Variants in CARD8 observed in about 807,000 individuals in gnomAD.
CARD8 encodes caspase recruitment domain family member 8, also known as caspase recruitment domain-containing protein 8.
A neutral mutation model predicts 53.2 loss-of-function variants in CARD8; 38 were observed. The observed-to-expected ratio is 0.71, with a 90% CI of 0.55 to 0.94. CARD8 has a LOEUF of 0.94. Ranked by LOEUF, CARD8 falls within the 40% of genes least tolerant of loss-of-function variation. The pLI, the probability that CARD8 is intolerant of heterozygous loss-of-function variation, is 0.00. For missense variants in CARD8, 561 were observed against 655.5 expected (o/e 0.86, Z 1.57); for synonymous variants, 245 against 244.9 (o/e 1.00, Z 0.00).
chr19:48,232,542 T>C, intron 6 of CARD8, 49 bp from the exon 7 acceptor site: 1 of 1,448,226 alleles, frequency 6.9e-7, no homozygotes. Context: ...ACATCAAGAA[T>C]CAGTTGATGA....
chr19:48,244,985 A>G (rs1403797008), intron 3 of CARD8, among the ~76,000 whole-genome samples: 2 of 152,236 alleles, frequency 1.3e-5, no homozygotes, highest in Non-Finnish European at 2.9e-5. Flanking sequence ...TCATGTGGAC[A>G]CTATGAAATC....
intron 3 of CARD8, among the ~76,000 whole-genome samples, chr19:48,241,404 C>T (rs762622101): frequency 2.0e-4 from 31 of 152,110 alleles, no homozygotes; most frequent in African/African-American, 6.3e-4. Flanking sequence ...TACAGGCATG[C>T]GCCACCATAC....
In CARD8 at chr19:48,218,855, T is replaced by G. The variant is rs374881209; in HGVS notation, c.1303+16A>C. 3.4e-4 allele frequency: 550 copies of G among 1,613,608 alleles called. No homozygotes were observed. The highest frequency in any genetic ancestry group is 7.7e-4 in the Admixed American group (46 of 59,990). Reference sequence around the variant, plus strand: ...GGATCCCTGTCTAAAAATGCCAGCCTCGCCCACTCACCTACCTGGCTTCAC... The same window carrying G: ...GGATCCCTGTCTAAAAATGCCAGCCGCGCCCACTCACCTACCTGGCTTCAC... On this transcript the variant is annotated intron_variant, in intron 12 of 13. Coordinates refer to ENST00000651546, the MANE Select transcript of CARD8 (RefSeq NM_001184900.3).
At chr19:48,229,517 A>G (rs2042437124) in intron 10 of CARD8, among the ~76,000 whole-genome samples, 1 of 152,222 alleles carries the variant, frequency 6.6e-6, no homozygotes, top group Non-Finnish European at 1.5e-5. Flanking sequence ...CTAAGTCCTG[A>G]CAGGCAGGCA....
Position 48,234,555 on chromosome 19 carries a change from C to T in CARD8, c.210-12G>A. 1 of 1,609,434 alleles carries T rather than the reference C, an allele frequency of 6.2e-7. No individual in the cohort carries two copies. Among genetic ancestry groups the T allele is most frequent in the Non-Finnish European group, 8.5e-7 (1 of 1,178,462 alleles). ...GCTCCCTGTATACCCTGGAAAACAACAACAGAATTTTTACTATGAATATAA... is the reference window on the plus strand; with the variant it reads ...GCTCCCTGTATACCCTGGAAAACAATAACAGAATTTTTACTATGAATATAA... On this transcript the variant is annotated splice_polypyrimidine_tract_variant and intron_variant, in intron 5 of 13. Coordinates refer to ENST00000651546, the MANE Select transcript of CARD8 (RefSeq NM_001184900.3).
intron 13 of CARD8, among the ~76,000 whole-genome samples, chr19:48,214,488 C>G (rs922379375): frequency 1.3e-5 from 2 of 152,108 alleles, no homozygotes; most frequent in African/African-American, 4.8e-5. Flanking sequence ...TAACCTCTTA[C>G]GGAGGTTGAG....
chr19:48,239,571 G>A (rs186135497), intron 4 of CARD8, among the ~76,000 whole-genome samples: 2 of 150,822 alleles, frequency 1.3e-5, no homozygotes, highest in African/African-American at 4.9e-5. Context: ...CACCTCCCAG[G>A]TTCAAGCGAT....
At chr19:48,218,086 C>T (rs2039697852) in intron 12 of CARD8, among the ~76,000 whole-genome samples, 1 of 152,170 alleles carries the variant, frequency 6.6e-6, no homozygotes, top group South Asian at 2.1e-4. Flanking sequence ...TTGAGCATTT[C>T]ACTTCCTAGA....
chr19:48,241,583 G>A (rs545746791), intron 3 of CARD8, among the ~76,000 whole-genome samples: 2 of 152,176 alleles, frequency 1.3e-5, no homozygotes, highest in South Asian at 4.1e-4. Context: ...TATTTTTGAT[G>A]TGGCCCTGGG....
At chr19:48,217,983 G>A (rs1182275640) in intron 12 of CARD8, among the ~76,000 whole-genome samples, 1 of 152,128 alleles carries the variant, frequency 6.6e-6, no homozygotes, top group Non-Finnish European at 1.5e-5. Context: ...TGAAGAAAGT[G>A]GAACTAAATA....
intron 13 of CARD8, among the ~76,000 whole-genome samples, chr19:48,212,502 C>T (rs1036848490): frequency 6.6e-6 from 1 of 152,202 alleles, no homozygotes; most frequent in African/African-American, 2.4e-5. Flanking sequence ...CATGTAGACT[C>T]AGGGTTTACG....
rs1207857473 is a variant in CARD8, at chr19:48,230,974, C to T, written c.575G>A (p.Trp192Ter). The change falls in exon 9 of 14, where the codon TGG becomes TAG. Residue 192 changes from tryptophan to a stop codon, truncating the protein, a stop_gained. Transcript: ENST00000651546. LOFTEE classifies it high-confidence loss of function. ...VWFPTAGWYL[W>*]SATGLGFLVR... ...CAGGAAGCCGAGGCCTGTGGCTGAC[C>T]ACAGATACCAGCCAGCAGTGGGGAA... is the stretch of plus-strand genomic sequence containing the variant. 6.2e-6 allele frequency: 10 copies of T among 1,614,098 alleles called. No individual in the cohort carries two copies. Among genetic ancestry groups the T allele is most frequent in the Non-Finnish European group, 8.5e-6 (10 of 1,180,020 alleles).
intron 5 of CARD8, among the ~76,000 whole-genome samples, chr19:48,236,770 G>A (rs557192035): frequency 1.3e-5 from 2 of 151,892 alleles, no homozygotes; most frequent in African/African-American, 4.8e-5. Context: ...GGGTCATTCT[G>A]GTTTTTTTGT....
downstream of CARD8, chr19:48,204,262 G>T: frequency 2.2e-6 from 1 of 449,058 alleles, no homozygotes; most frequent in Non-Finnish European, 4.5e-6. Context: ...GAAGGAGACG[G>T]GGATTAGAGA....
At chr19:48,245,146 G>C (rs765443344) in intron 3 of CARD8, among the ~76,000 whole-genome samples, 2 of 152,194 alleles carry the variant, frequency 1.3e-5, no homozygotes, top group Non-Finnish European at 2.9e-5. Flanking sequence ...TTCCTCTATA[G>C]AGAAACATAA....
At chr19:48,236,942 A>C (rs1338009953) in intron 5 of CARD8, among the ~76,000 whole-genome samples, 1 of 151,950 alleles carries the variant, frequency 6.6e-6, no homozygotes, top group Non-Finnish European at 1.5e-5. Flanking sequence ...AGCCCGGCTA[A>C]TTCTGTATTT....
downstream of CARD8, among the ~76,000 whole-genome samples, chr19:48,204,745 A>G (rs1272844331): frequency 6.6e-6 from 1 of 152,146 alleles, no homozygotes; most frequent in Non-Finnish European, 1.5e-5. Flanking sequence ...TGGCGCTGTA[A>G]AGAGAAGCTG....
At chr19:48,245,998 T>C (rs1288947285) in intron 3 of CARD8, among the ~76,000 whole-genome samples, 1 of 152,052 alleles carries the variant, frequency 6.6e-6, no homozygotes, top group African/African-American at 2.4e-5. Flanking sequence ...GCAGACCTTA[T>C]TTGAATTTTA....
chr19:48,231,095 G>T, intron 8 of CARD8, 89 bp from the exon 9 acceptor site: 3 of 1,096,282 alleles, frequency 2.7e-6, no homozygotes, highest in Non-Finnish European at 4.1e-6. Context: ...GATTTGAAGT[G>T]AGGCAAGGTT....
Sources: allele counts gnomAD v4.1 joint callset (sites outside exome capture counted in the v4.1 genomes callset), GRCh38; gene constraint gnomAD v4.1.1; transcripts MANE v1.5; gene names NCBI Gene and HGNC (gene_info 2026-07-23, HGNC 2026-07-21).